The following DLC1 variants were observed in gnomAD, a reference collection of about 807,000 sequenced individuals.
DLC1 encodes rho GTPase-activating protein 7.
In DLC1, 54 loss-of-function variants were observed where a neutral mutation model predicts 140.3. The ratio of observed to expected loss-of-function variants is 0.38; its 90% CI spans 0.31 to 0.48. The LOEUF (loss-of-function observed/expected upper bound fraction) is 0.48. Ranked by LOEUF, DLC1 falls within the 20% of genes least tolerant of loss-of-function variation. The pLI is 0.96. For missense variants in DLC1, 2,536 were observed against 1,907.0 expected, an observed-to-expected ratio of 1.33 and a Z score of -6.14; for synonymous variants, 986 against 728.1, an observed-to-expected ratio of 1.35 and a Z score of -5.70.
At chr8:13,510,023 T>G (rs961294385) in intron 1 of DLC1, among the ~76,000 whole-genome samples, 1 of 152,152 alleles carries the variant, frequency 6.6e-6, no homozygotes, top group Non-Finnish European at 1.5e-5. Flanking sequence ...ATGGTGATGG[T>G]GATGATGACT....
chr8:13,544,166 T>C (rs987539009), intron 1 of DLC1, among the ~76,000 whole-genome samples: 2 of 149,996 alleles, frequency 1.3e-5, no homozygotes, highest in African/African-American at 4.9e-5. Context: ...CTCTCTCTCC[T>C]CTCTTTGTCA....
chr8:13,312,756 G>T (rs758372111), intron 4 of DLC1, among the ~76,000 whole-genome samples: 2 of 151,932 alleles, frequency 1.3e-5, no homozygotes, highest in East Asian at 1.9e-4. Context: ...TTATTTTATT[G>T]TTCTGTATGA....
At chr8:13,232,213 G>A (rs1829078940) in intron 5 of DLC1, among the ~76,000 whole-genome samples, 1 of 152,202 alleles carries the variant, frequency 6.6e-6, no homozygotes, top group African/African-American at 2.4e-5. Context: ...GTCTACCAGT[G>A]ATGCTGAAGA....
intron 2 of DLC1, among the ~76,000 whole-genome samples, chr8:13,409,927 G>A (rs1316235164): frequency 6.6e-6 from 1 of 152,000 alleles, no homozygotes; most frequent in Non-Finnish European, 1.5e-5. Context: ...AAGTTCCATG[G>A]ATGTATTCAT....
intron 6 of DLC1, among the ~76,000 whole-genome samples, chr8:13,111,715 G>A (rs1362220245): frequency 6.6e-6 from 1 of 152,054 alleles, no homozygotes; most frequent in African/African-American, 2.4e-5. Context: ...AACTATGAGG[G>A]CAAATCATGG....
Position 13,098,478 on chromosome 8 carries a change from G to A in DLC1, c.3088C>T (p.Leu1030=), listed in dbSNP as rs1818698115. The change falls in exon 10 of 18, where the codon CTG becomes TTG. Residue 1030 remains leucine, a synonymous_variant. Transcript: ENST00000276297. ...INCQSVAQMN[L]LQKYSLLKLT... Reference sequence around the variant, plus strand: ...TTTAGGAGTGAGTATTTCTGCAGCAGGTTCATCTGGGCCACAGACTGGCAG... The same window carrying A: ...TTTAGGAGTGAGTATTTCTGCAGCAAGTTCATCTGGGCCACAGACTGGCAG... 1 of 1,614,210 alleles carries A rather than the reference G, an allele frequency of 6.2e-7. No homozygotes were observed. Among genetic ancestry groups the A allele is most frequent in the African/African-American group, 1.3e-5 (1 of 75,056 alleles).
intron 6 of DLC1, among the ~76,000 whole-genome samples, chr8:13,115,190 T>C (rs1209686542): frequency 6.6e-6 from 1 of 151,898 alleles, no homozygotes; most frequent in Non-Finnish European, 1.5e-5. Context: ...TATAGAAGAA[T>C]CTTAACAATA....
intron 1 of DLC1, among the ~76,000 whole-genome samples, chr8:13,581,139 T>A (rs375308613): frequency 2.0e-5 from 3 of 152,374 alleles, no homozygotes; most frequent in East Asian, 3.9e-4. Flanking sequence ...GACATCTGCA[T>A]GCCTGGGAGA....
chr8:13,420,104 T>C (rs1215207591), intron 2 of DLC1, among the ~76,000 whole-genome samples: 1 of 152,198 alleles, frequency 6.6e-6, no homozygotes, highest in Non-Finnish European at 1.5e-5. Flanking sequence ...TCTTCTCTCT[T>C]TTTTTCTTTA....
chr8:13,408,893 A>G (rs940043922), intron 2 of DLC1, among the ~76,000 whole-genome samples: 1 of 152,194 alleles, frequency 6.6e-6, no homozygotes, highest in African/African-American at 2.4e-5. Context: ...AAAAATATCT[A>G]TTTAACACTG....
chr8:13,556,789 C>G (rs1224527086), intron 1 of DLC1, among the ~76,000 whole-genome samples: 2 of 152,176 alleles, frequency 1.3e-5, no homozygotes, highest in Non-Finnish European at 2.9e-5. Flanking sequence ...AAAGTGGATG[C>G]TGTCAGAGAC....
intron 5 of DLC1, among the ~76,000 whole-genome samples, chr8:13,195,900 A>C (rs1186867977): frequency 1.3e-5 from 2 of 152,200 alleles, no homozygotes; most frequent in African/African-American, 2.4e-5. Context: ...TCACCTTTTA[A>C]TTTTGCCAAT....
chr8:13,445,409 A>G (rs748128688), intron 2 of DLC1, among the ~76,000 whole-genome samples: 2 of 152,234 alleles, frequency 1.3e-5, no homozygotes, highest in Non-Finnish European at 2.9e-5. Flanking sequence ...AAGCACAGAT[A>G]CATAGTTTAA....
chr8:13,369,693 G>T (rs114663495), intron 4 of DLC1, among the ~76,000 whole-genome samples: 1 of 152,014 alleles, frequency 6.6e-6, no homozygotes, highest in Non-Finnish European at 1.5e-5. Context: ...ACTGCTGCTA[G>T]CTACTTCCTT....
intron 1 of DLC1, among the ~76,000 whole-genome samples, chr8:13,539,348 C>T (rs901487350): frequency 2.0e-5 from 3 of 152,042 alleles, no homozygotes; most frequent in Non-Finnish European, 4.4e-5. Context: ...TACAGGTGCA[C>T]GCCACCACAC....
intron 4 of DLC1, among the ~76,000 whole-genome samples, chr8:13,310,317 A>C (rs561956465): frequency 1.4e-4 from 22 of 152,172 alleles, no homozygotes; most frequent in Non-Finnish European, 2.6e-4. Flanking sequence ...TTGCCTTTTA[A>C]AAAGTGGCTT....
chr8:13,577,923 C>A (rs902829404), intron 1 of DLC1, among the ~76,000 whole-genome samples: 1 of 151,942 alleles, frequency 6.6e-6, no homozygotes, highest in Admixed American at 6.6e-5. Flanking sequence ...AAATTAAGTC[C>A]TTGGATGTGC....
rs146886618 is a variant in DLC1, at chr8:13,137,046, A to T, written c.1349-21389T>A. 8.5e-5 allele frequency among the ~76,000 whole-genome samples: 13 copies of T among 152,348 alleles called. No individual in the cohort carries two copies. The East Asian group carries it at 1.9e-3, about 23-fold the overall frequency. ...TATTAGAACTAAAACATGAAATCCT[A>T]TTTAAATCATCATCCAAGAGATGAT... On this transcript the variant is annotated intron_variant, in intron 5 of 17. Coordinates refer to ENST00000276297, the MANE Select transcript of DLC1 (RefSeq NM_182643.3).
At position 13,400,371 on chromosome 8, in the gene DLC1, C is replaced by G. The variant is rs565986907; in HGVS notation, c.1173+1099G>C. 4.6e-5 allele frequency among the ~76,000 whole-genome samples: 7 copies of G among 152,206 alleles called. No homozygotes were observed. The South Asian group carries it at 1.5e-3, about 32-fold the overall frequency. ...TAACATCTCCATTTTTCACATGAAC[C>G]TGCAGTTGAGAAATTAAATAACTTG... On this transcript the variant is annotated intron_variant, in intron 3 of 17. Coordinates refer to ENST00000276297, the MANE Select transcript of DLC1 (RefSeq NM_182643.3).
Sources: allele counts gnomAD v4.1 joint callset (sites outside exome capture counted in the v4.1 genomes callset), GRCh38; gene constraint gnomAD v4.1.1; transcripts MANE v1.5; gene names NCBI Gene and HGNC (gene_info 2026-07-23, HGNC 2026-07-21).